DLC1: variants seen among roughly 807,000 people sequenced by gnomAD.
The protein encoded by DLC1 is DLC1 Rho GTPase activating protein, also known as rho GTPase-activating protein 7.
A neutral mutation model predicts 140.3 loss-of-function variants in DLC1; 54 were observed. The ratio of observed to expected loss-of-function variants is 0.38; its 90% CI spans 0.31 to 0.48. The LOEUF (loss-of-function observed/expected upper bound fraction) is 0.48. Ranked by LOEUF, DLC1 falls within the 20% of genes least tolerant of loss-of-function variation. The pLI, the probability that DLC1 is intolerant of heterozygous loss-of-function variation, is 0.96. For synonymous variants in DLC1, 986 were observed against 728.1 expected (o/e 1.35, Z -5.70); for missense variants, 2,536 against 1,907.0 (o/e 1.33, Z -6.14).
intron 1 of DLC1, among the ~76,000 whole-genome samples, chr8:13,537,720 C>G (rs995331754): frequency 2.3e-5 from 3 of 131,738 alleles, no homozygotes; most frequent in Non-Finnish European, 4.6e-5. Flanking sequence ...GTGGCGCGAT[C>G]TCGGCTCACT....
At chr8:13,468,188 A>G (rs1190074687) in intron 2 of DLC1, among the ~76,000 whole-genome samples, 1 of 152,212 alleles carries the variant, frequency 6.6e-6, no homozygotes, top group Non-Finnish European at 1.5e-5. Flanking sequence ...TAGCTAAGTA[A>G]TACTTTTCCA....
chr8:13,093,253 G>A (rs1818234014), intron 12 of DLC1, among the ~76,000 whole-genome samples: 1 of 152,058 alleles, frequency 6.6e-6, no homozygotes, highest in Non-Finnish European at 1.5e-5. Flanking sequence ...AAGAACGTAA[G>A]AACAGAGATC....
intron 4 of DLC1, among the ~76,000 whole-genome samples, chr8:13,311,525 G>A (rs181388704): frequency 9.3e-4 from 142 of 152,286 alleles, no homozygotes; most frequent in African/African-American, 3.1e-3. Context: ...TCTGAGAAAC[G>A]TCATTGATGC....
rs1397351714 is a variant in DLC1, at chr8:13,246,427, T to C, written c.1348+58842A>G. On this transcript the variant is annotated intron_variant, in intron 5 of 17. Coordinates refer to ENST00000276297, the MANE Select transcript of DLC1 (RefSeq NM_182643.3). ...TATTAGTGTAGTGTGAAGTTATTAA[T>C]GTTTCAACATATAGAGTGGTTTTCT... is the stretch of plus-strand genomic sequence containing the variant. 6.6e-5 allele frequency among the ~76,000 whole-genome samples: 10 copies of C among 152,340 alleles called. No individual in the cohort carries two copies. In the East Asian group the frequency reaches 1.9e-3, roughly 29 times the overall value.
At chr8:13,239,971 C>A (rs1251286129) in intron 5 of DLC1, among the ~76,000 whole-genome samples, 1 of 152,182 alleles carries the variant, frequency 6.6e-6, no homozygotes, top group Non-Finnish European at 1.5e-5. Context: ...ACCCTTCAGA[C>A]CTCTGCCTGC....
At chr8:13,391,114 T>A (rs1180896682) in intron 4 of DLC1, among the ~76,000 whole-genome samples, 1 of 152,214 alleles carries the variant, frequency 6.6e-6, no homozygotes, top group Non-Finnish European at 1.5e-5. Context: ...TTCTGGGTAC[T>A]CTTCATGGCC....
At chr8:13,573,608 T>C (rs1486341821) in intron 1 of DLC1, among the ~76,000 whole-genome samples, 1 of 152,214 alleles carries the variant, frequency 6.6e-6, no homozygotes, top group Non-Finnish European at 1.5e-5. Flanking sequence ...GGCATTTTCA[T>C]GTTGGGAAAG....
intron 1 of DLC1, among the ~76,000 whole-genome samples, chr8:13,592,167 T>G (rs34589946): frequency 0.14 from 20,988 of 151,984 alleles, 1,686 homozygotes; most frequent in Middle Eastern, 0.24. Flanking sequence ...GCAGCTTTAT[T>G]GGGCAAATGG....
At chr8:13,312,081 G>GCTAGATAAACAGAAAGAGCC (rs1341496749) in intron 4 of DLC1, among the ~76,000 whole-genome samples, 1 of 130,588 alleles carries the variant, frequency 7.7e-6, no homozygotes, top group Admixed American at 7.8e-5. Flanking sequence ...ATTTCTTTAG[G>GCTAGATAAACAGAAAGAGCC]CCGGGCGCGG....
At chr8:13,210,944 G>A (rs1238624961) in intron 5 of DLC1, among the ~76,000 whole-genome samples, 3 of 152,164 alleles carry the variant, frequency 2.0e-5, no homozygotes, top group African/African-American at 4.8e-5. Context: ...TGAATAGAGT[G>A]TCAGCTTTCT....
chr8:13,098,966 CATCTT>C (rs1029224916), intron 9 of DLC1, among the ~76,000 whole-genome samples: 62 of 152,190 alleles, frequency 4.1e-4, no homozygotes, highest in African/African-American at 1.5e-3. Flanking sequence ...TGCTTGCTGG[CATCTT>C]ATCTTAGGAA....
chr8:13,281,385 G>A (rs867242086), intron 5 of DLC1, among the ~76,000 whole-genome samples: 3 of 152,148 alleles, frequency 2.0e-5, no homozygotes, highest in African/African-American at 7.2e-5. Context: ...CTACAATGAT[G>A]ATTTTCTTCA....
chr8:13,227,542 T>G (rs781021573), intron 5 of DLC1, among the ~76,000 whole-genome samples: 4 of 152,160 alleles, frequency 2.6e-5, no homozygotes, highest in Non-Finnish European at 4.4e-5. Flanking sequence ...ATATAGGCTA[T>G]CTCCATGCAT....
rs755083632 is a variant in DLC1, at chr8:13,499,659, T to G, written c.413A>C (p.Gln138Pro). The change falls in exon 2 of 18, where the codon CAA becomes CCA. Residue 138 changes from glutamine to proline, a missense_variant. By Grantham distance (76) the Gln-to-Pro change is moderately conservative. Coordinates refer to ENST00000276297, the MANE Select transcript of DLC1 (RefSeq NM_182643.3). ...LNTQGQKTSG[Q>P]HMIQGAGSLE... The stretch of plus-strand genomic sequence containing the variant: ...GGAGCCTGCTCCTTGGATCATATGT[T>G]GGCCTGATGTTTTCTGCCCTTGGGT... 1.2e-6 allele frequency: 2 copies of G among 1,614,218 alleles called. No individual in the cohort carries two copies. Among genetic ancestry groups the G allele is most frequent in the South Asian group, 1.1e-5 (1 of 91,082 alleles).
intron 1 of DLC1, among the ~76,000 whole-genome samples, chr8:13,527,217 C>G (rs1243394814): frequency 6.6e-6 from 1 of 152,176 alleles, no homozygotes; most frequent in African/African-American, 2.4e-5. Flanking sequence ...AAATAATTAT[C>G]AGACCCAAAA....
intron 5 of DLC1, among the ~76,000 whole-genome samples, chr8:13,292,261 A>G (rs567468023): frequency 6.6e-6 from 1 of 152,292 alleles, no homozygotes; most frequent in African/African-American, 2.4e-5. Context: ...CACATCGTAG[A>G]AAGTCCAGGC....
At chr8:13,194,302 G>A (rs563050281) in intron 5 of DLC1, among the ~76,000 whole-genome samples, 142 of 152,202 alleles carry the variant, frequency 9.3e-4, no homozygotes, top group Non-Finnish European at 1.7e-3. Context: ...TATGTGGAAC[G>A]ATTCAACATC....
rs565129675 is a variant in DLC1 at position 13,293,362 on chromosome 8, T to G, written c.1348+11907A>C. On this transcript the variant is annotated intron_variant, in intron 5 of 17. Coordinates refer to ENST00000276297, the MANE Select transcript of DLC1 (RefSeq NM_182643.3). The stretch of plus-strand genomic sequence containing the variant: ...ACCCATGAATCTTAAAGATGTAAGC[T>G]ACGATGGCACTGATTTATAAGAGTG... 3.2e-3 allele frequency among the ~76,000 whole-genome samples: 481 copies of G among 152,316 alleles called. 2 individuals are homozygous for G. Among genetic ancestry groups the G allele is most frequent in the African/African-American group, 0.011 (467 of 41,576 alleles).
intron 5 of DLC1, among the ~76,000 whole-genome samples, chr8:13,285,045 G>A (rs1417190492): frequency 2.0e-5 from 3 of 152,074 alleles, no homozygotes; most frequent in Admixed American, 1.3e-4. Flanking sequence ...TAATGTATAT[G>A]GAAATACAAA....
Sources: allele counts gnomAD v4.1 joint callset (sites outside exome capture counted in the v4.1 genomes callset), GRCh38; gene constraint gnomAD v4.1.1; transcripts MANE v1.5; gene names NCBI Gene and HGNC (gene_info 2026-07-23, HGNC 2026-07-21).